Variants in ABCA9 observed in about 807,000 individuals in gnomAD.
ABCA9 encodes ATP binding cassette subfamily A member 9, also known as ATP-binding cassette sub-family A member 9.
ABCA9 carries 183 observed loss-of-function variants against 205.3 expected under a neutral mutation model. That is an observed-to-expected ratio of 0.89 (90% CI 0.79 to 1.01). The LOEUF (loss-of-function observed/expected upper bound fraction) is 1.01. ABCA9 is among the 50% of genes least tolerant of loss of function. The pLI is 0.00. For synonymous variants in ABCA9, 651 were observed against 683.3 expected (o/e 0.95, Z 0.74); for missense variants, 1,805 against 1,912.4 (o/e 0.94, Z 1.05).
At chr17:68,978,692 G>A (rs547378742) in intron 37 of ABCA9, among the ~76,000 whole-genome samples, 4 of 152,230 alleles carry the variant, frequency 2.6e-5, no homozygotes, top group Admixed American at 2.0e-4. Flanking sequence ...GCATTTGCTT[G>A]TCTGTAAAGG....
At chr17:69,074,059 C>G in the ABCA9 span, among the ~76,000 whole-genome samples, 1 of 152,072 alleles carries the variant, frequency 6.6e-6, no homozygotes. Context: ...TTTCTTAGCT[C>G]TTGTGAAGAC....
chr17:69,000,538 T>C (rs1174897513), intron 25 of ABCA9, among the ~76,000 whole-genome samples: 1 of 148,294 alleles, frequency 6.7e-6, no homozygotes, highest in East Asian at 2.0e-4. Context: ...AGCCTTGTAG[T>C]ATAGTTTGAA....
At chr17:68,983,111 C>A (rs952784233) in intron 36 of ABCA9, among the ~76,000 whole-genome samples, 2 of 152,122 alleles carry the variant, frequency 1.3e-5, no homozygotes, top group African/African-American at 4.8e-5. Context: ...TGTAAGTGCT[C>A]TTTGATCAAC....
chr17:69,078,419 G>A, the ABCA9 span, among the ~76,000 whole-genome samples: 6 of 152,030 alleles, frequency 3.9e-5, no homozygotes, highest in Middle Eastern at 3.2e-3. Flanking sequence ...GGCTAGTCTC[G>A]AACTCCTGAC....
In ABCA9 at chr17:69,027,814, A is replaced by G; in HGVS notation, c.1617T>C (p.Gly539=). 6.3e-7 allele frequency: 1 copy of G among 1,599,606 alleles called. No individual in the cohort carries two copies. Among genetic ancestry groups the G allele is most frequent in the Non-Finnish European group, 8.5e-7 (1 of 1,173,166 alleles). ...ILSGLSVPTS[G]SVTVYNHTLS... ...GTGTGTGATTATAGACAGTGACTGA[A>G]CCTGAAAGCAGAAGGCAGAGAGTGA... The change falls in exon 13 of 39, where the codon GGT becomes GGC. Residue 539 remains glycine, a splice_region_variant and synonymous_variant. Coordinates refer to ENST00000340001, the MANE Select transcript of ABCA9 (RefSeq NM_080283.4).
At chr17:69,061,401 C>T (rs1449359608), upstream of ABCA9, among the ~76,000 whole-genome samples, 1 of 151,964 alleles carries the variant, frequency 6.6e-6, no homozygotes, top group African/African-American at 2.4e-5. Context: ...CTATTTAAAA[C>T]CTTCAACAGA....
the ABCA9 span, among the ~76,000 whole-genome samples, chr17:69,067,101 T>G: frequency 6.6e-6 from 1 of 152,124 alleles, no homozygotes; most frequent in Non-Finnish European, 1.5e-5. Context: ...TACTCATACC[T>G]AAGACACTAG....
chr17:69,068,595 T>A, the ABCA9 span, among the ~76,000 whole-genome samples: 1 of 152,166 alleles, frequency 6.6e-6, no homozygotes, highest in Non-Finnish European at 1.5e-5. Flanking sequence ...TGGCAAAGGC[T>A]GATTGACAAA....
chr17:69,016,115 T>TAC (rs1182766041), intron 22 of ABCA9, 138 bp downstream of exon 22: 3 of 287,348 alleles, frequency 1.0e-5, no homozygotes, highest in African/African-American at 7.2e-5. Context: ...TATATATATA[T>TAC]ATATATATAC....
In ABCA9 at chr17:69,023,774, C is replaced by T. The variant is rs893447981; in HGVS notation, c.2281+440G>A. On this transcript the variant is annotated intron_variant, in intron 17 of 38. Transcript: ENST00000340001. The surrounding 1 kb of genome is among the most constrained non-coding windows in gnomAD (Gnocchi z 4.2). The stretch of plus-strand genomic sequence containing the variant: ...AATGCACGCCAATCCAAGTTATGTT[C>T]AATAACTTGGATTATATCAGTATGT... Among the ~76,000 whole-genome samples, 1 of 152,044 alleles carries T rather than the reference C, an allele frequency of 6.6e-6. No homozygotes were observed. The highest frequency in any genetic ancestry group is 2.4e-5 in the African/African-American group (1 of 41,346).
At chr17:68,993,757 C>T (rs867687415) in intron 26 of ABCA9, among the ~76,000 whole-genome samples, 1 of 152,214 alleles carries the variant, frequency 6.6e-6, no homozygotes, top group African/African-American at 2.4e-5. Flanking sequence ...ATGATGTGCA[C>T]GACCTTGACA....
At chr17:68,995,105 C>T (rs2144061556) in intron 26 of ABCA9, among the ~76,000 whole-genome samples, 1 of 152,244 alleles carries the variant, frequency 6.6e-6, no homozygotes, top group East Asian at 1.9e-4. Flanking sequence ...TTCGTGTAGT[C>T]ATAGCCAATG....
intron 8 of ABCA9, among the ~76,000 whole-genome samples, chr17:69,034,141 A>G (rs2071252969): frequency 6.6e-6 from 1 of 152,206 alleles, no homozygotes; most frequent in East Asian, 1.9e-4. Flanking sequence ...TACAAACTCA[A>G]GAAAGGTGAT....
chr17:69,053,369 C>T (rs2144519496), intron 1 of ABCA9, among the ~76,000 whole-genome samples: 1 of 152,252 alleles, frequency 6.6e-6, no homozygotes, highest in South Asian at 2.1e-4. Flanking sequence ...AACGCTATTC[C>T]CATCACCCCT....
intron 23 of ABCA9, among the ~76,000 whole-genome samples, chr17:69,008,542 G>A (rs1057499856): frequency 6.6e-6 from 1 of 152,116 alleles, no homozygotes; most frequent in South Asian, 2.1e-4. Context: ...TCTTTCCTTC[G>A]ACGTGAAAAC....
rs530457305 is a variant in ABCA9 at position 68,980,496 on chromosome 17, T to C, written c.4720+2066A>G. On this transcript the variant is annotated intron_variant, in intron 37 of 38. Coordinates refer to ENST00000340001, the MANE Select transcript of ABCA9 (RefSeq NM_080283.4). ...AAGACACATGCACACGTATGTTTAT[T>C]GCGGCACTATTCACAATAGCAAAGA... Among the ~76,000 whole-genome samples the C allele has an allele frequency of 9.2e-5, 14 of 152,160 alleles. 1 individual carries two copies. The East Asian group carries it at 2.7e-3, about 29-fold the overall frequency.
chr17:69,048,381 GGTTA>G (rs1273662848), intron 3 of ABCA9, among the ~76,000 whole-genome samples: 2 of 151,920 alleles, frequency 1.3e-5, no homozygotes, highest in Non-Finnish European at 2.9e-5. Context: ...ACGGTAAAAC[GGTTA>G]GTTATATTTT....
chr17:69,007,947 C>T (rs1008727026), intron 24 of ABCA9, 75 bp from the exon 25 acceptor site: 122 of 1,431,152 alleles, frequency 8.5e-5, no homozygotes, highest in Non-Finnish European at 1.1e-4. Context: ...CTTCAATTTT[C>T]CAAAACTATG....
At chr17:69,030,870 A>C (rs1598394060) in intron 10 of ABCA9, among the ~76,000 whole-genome samples, 1 of 152,144 alleles carries the variant, frequency 6.6e-6, no homozygotes, top group Non-Finnish European at 1.5e-5. Context: ...TTTAATTGAC[A>C]TTTCACTTTT....
Sources: gnomAD v4.1 joint callset for allele counts (sites outside exome capture counted in the v4.1 genomes callset) on GRCh38, gnomAD v4.1.1 for gene constraint, Gnocchi (gnomAD v3.1) non-coding constraint, MANE v1.5 for transcripts, NCBI Gene and HGNC (gene_info 2026-07-23, HGNC 2026-07-21) for gene names.